The following CDH12 variants were observed in gnomAD, a reference collection of about 807,000 sequenced individuals.
CDH12 encodes cadherin-12.
CDH12 carries 41 observed loss-of-function variants against 74.1 expected under a neutral mutation model. That is an observed-to-expected ratio of 0.55 (90% confidence interval 0.43 to 0.72). The LOEUF is 0.72. Among genes scored for constraint, CDH12 ranks in the 30% least tolerant of loss-of-function variants. CDH12 has a pLI of 0.00. For synonymous variants in CDH12, 399 were observed against 355.0 expected (o/e 1.12, Z -1.39); for missense variants, 945 against 977.2 (o/e 0.97, Z 0.44).
chr5:22,801,666 TATATATATATA>T (rs1748528732), intron 1 of CDH12, among the ~76,000 whole-genome samples: 1 of 122,256 alleles, frequency 8.2e-6, no homozygotes, highest in Non-Finnish European at 1.6e-5. Context: ...TATATATATA[TATATATATATA>T]TATATATACA....
At chr5:21,771,193 A>G (rs1745305471) in intron 11 of CDH12, among the ~76,000 whole-genome samples, 1 of 137,086 alleles carries the variant, frequency 7.3e-6, no homozygotes, top group Non-Finnish European at 1.5e-5. Flanking sequence ...ACCTAAAATG[A>G]AAGTTTTTTT....
chr5:22,639,121 T>A (rs1488629364), intron 1 of CDH12: 1 of 142,008 alleles, frequency 7.0e-6, no homozygotes, highest in African/African-American at 2.6e-5. Context: ...TTTGGCTAAA[T>A]TGCCAGTGAA....
intron 1 of CDH12, among the ~76,000 whole-genome samples, chr5:22,710,785 T>C (rs917550289): frequency 2.2e-4 from 33 of 152,250 alleles, no homozygotes; most frequent in African/African-American, 7.7e-4. Flanking sequence ...ATGGTACTTG[T>C]GGTCAGAAGA....
chr5:21,909,390 C>A (rs1337123421), intron 6 of CDH12, among the ~76,000 whole-genome samples: 1 of 152,154 alleles, frequency 6.6e-6, no homozygotes, highest in Non-Finnish European at 1.5e-5. Flanking sequence ...GAAGGTAAAT[C>A]TGAACTATCT....
intron 2 of CDH12, among the ~76,000 whole-genome samples, chr5:22,477,354 T>A (rs1464242594): frequency 6.6e-6 from 1 of 152,130 alleles, no homozygotes; most frequent in Non-Finnish European, 1.5e-5. Flanking sequence ...TTTCTGTTAG[T>A]GTGTTAGTTT....
At chr5:22,260,920 G>A (rs1051106782) in intron 3 of CDH12, among the ~76,000 whole-genome samples, 14 of 151,868 alleles carry the variant, frequency 9.2e-5, no homozygotes, top group East Asian at 1.9e-4. Flanking sequence ...TTTCTGTTCC[G>A]ATAATAGTAA....
intron 5 of CDH12, 53 bp from the exon 6 acceptor site, chr5:21,975,438 G>A (rs1757029412): frequency 6.1e-6 from 8 of 1,320,242 alleles, no homozygotes; most frequent in Non-Finnish European, 8.2e-6. Flanking sequence ...GACAAAGAAA[G>A]AACACCATTA....
At chr5:22,060,985 G>A (rs906633208) in intron 5 of CDH12, among the ~76,000 whole-genome samples, 2 of 152,108 alleles carry the variant, frequency 1.3e-5, no homozygotes, top group African/African-American at 4.8e-5. Flanking sequence ...AGCACATTGT[G>A]CTATAGTAAA....
intron 7 of CDH12, among the ~76,000 whole-genome samples, chr5:21,846,668 GAA>G (rs1750187801): frequency 6.6e-6 from 1 of 151,764 alleles, no homozygotes; most frequent in South Asian, 2.1e-4. Flanking sequence ...ATGCCCTGAA[GAA>G]TCTATTTCAT....
At chr5:22,846,762 C>G (rs919917818) in intron 1 of CDH12, among the ~76,000 whole-genome samples, 13 of 152,082 alleles carry the variant, frequency 8.5e-5, no homozygotes, top group Non-Finnish European at 1.6e-4. Context: ...AAAAGTAACA[C>G]CTGCTTGACA....
At chr5:22,241,806 A>G (rs1009792813) in intron 3 of CDH12, among the ~76,000 whole-genome samples, 4 of 152,014 alleles carry the variant, frequency 2.6e-5, no homozygotes, top group Admixed American at 6.6e-5. Flanking sequence ...AACCAAATTT[A>G]TTTTATTTAA....
chr5:22,181,606 T>G (rs549249359), intron 4 of CDH12, among the ~76,000 whole-genome samples: 1 of 152,342 alleles, frequency 6.6e-6, no homozygotes, highest in South Asian at 2.1e-4. Context: ...TTTAGTTTTA[T>G]TCACATGCAC....
At chr5:22,339,773 G>C (rs1416466812) in intron 3 of CDH12, among the ~76,000 whole-genome samples, 1 of 152,068 alleles carries the variant, frequency 6.6e-6, no homozygotes, top group African/African-American at 2.4e-5. Flanking sequence ...CAGGGGAAAA[G>C]GAATAGATGG....
intron 1 of CDH12, among the ~76,000 whole-genome samples, chr5:22,837,960 T>C (rs1439697180): frequency 6.6e-6 from 1 of 152,192 alleles, no homozygotes. Context: ...CAGATTCCTC[T>C]ACCCGATGGT....
intron 3 of CDH12, among the ~76,000 whole-genome samples, chr5:22,251,628 G>A (rs998462883): frequency 2.6e-5 from 4 of 152,172 alleles, no homozygotes; most frequent in African/African-American, 9.6e-5. Context: ...GTGGAAAACA[G>A]TGAGATTGAT....
intron 4 of CDH12, among the ~76,000 whole-genome samples, chr5:22,090,009 G>C (rs1743316946): frequency 6.6e-6 from 1 of 151,462 alleles, no homozygotes; most frequent in Non-Finnish European, 1.5e-5. Context: ...AAAAAGAAGA[G>C]CAAACTAAAC....
At chr5:22,580,602 A>T in intron 1 of CDH12, 1 of 480,612 alleles carries the variant, frequency 2.1e-6, no homozygotes, top group South Asian at 1.6e-5. Flanking sequence ...GATTTTTTTA[A>T]TCCTGAAGTA....
intron 4 of CDH12, among the ~76,000 whole-genome samples, chr5:22,202,708 C>T (rs1341921026): frequency 1.3e-5 from 2 of 152,136 alleles, no homozygotes; most frequent in Non-Finnish European, 2.9e-5. Context: ...TTTTCCTGAA[C>T]TCTGAAACTG....
intron 1 of CDH12, among the ~76,000 whole-genome samples, chr5:22,787,598 T>TTATTTTTAATAG (rs1747701348): frequency 6.7e-6 from 1 of 150,356 alleles, no homozygotes; most frequent in East Asian, 1.9e-4. Context: ...TAATAATGTT[T>TTATTTTTAATAG]TATTTTTAAT....
Sources: gnomAD v4.1 joint callset for allele counts (sites outside exome capture counted in the v4.1 genomes callset) on GRCh38, gnomAD v4.1.1 for gene constraint, MANE v1.5 for transcripts, NCBI Gene and HGNC (gene_info 2026-07-23, HGNC 2026-07-21) for gene names.